The following MIB1 variants were observed in gnomAD, a reference collection of about 807,000 sequenced individuals.
MIB1 encodes E3 ubiquitin-protein ligase MIB1.
MIB1 carries 278 observed loss-of-function variants against 124.5 expected under a neutral mutation model. The observed-to-expected ratio is 2.23, with a 90% CI of 2.02 to 2.47. The LOEUF is 2.47. Ranked by LOEUF, MIB1 falls within the 30% of genes most tolerant of loss-of-function variation. MIB1 has a pLI of 0.00. For missense variants in MIB1, 957 were observed against 1,254.4 expected (o/e 0.76, Z 3.58); for synonymous variants, 446 against 429.4 (o/e 1.04, Z -0.48).
intron 12 of MIB1, among the ~76,000 whole-genome samples, chr18:21,819,931 G>A (rs2041864244): frequency 6.6e-6 from 1 of 152,002 alleles, no homozygotes; most frequent in African/African-American, 2.4e-5. Flanking sequence ...TTTATTTTGA[G>A]ATTTATGTTT....
At position 21,865,474 on chromosome 18, in the gene MIB1, A is replaced by G. The variant is rs1257943756; in HGVS notation, c.*808A>G. 6.6e-6 allele frequency: 1 copy of G among 152,144 alleles called. No individual in the cohort carries two copies. Among genetic ancestry groups the G allele is most frequent in the East Asian group, 1.9e-4 (1 of 5,194 alleles). The allele number at this position is 152,144 out of a possible 1,614,324, so 9.4% of individuals were successfully genotyped here. A position where few individuals can be genotyped will look rare whatever the true frequency, so the allele number is the denominator to read the frequency against. Reference sequence around the variant, plus strand: ...AATTTATACACTATTTTGTTCAGCCAGTGTTTTTAAAAAAAATCTATGAAA... The same window carrying G: ...AATTTATACACTATTTTGTTCAGCCGGTGTTTTTAAAAAAAATCTATGAAA... On this transcript the variant is annotated 3_prime_UTR_variant, in exon 21 of 21. Transcript: ENST00000261537.
intron 1 of MIB1, among the ~76,000 whole-genome samples, chr18:21,748,636 G>T (rs1284565840): frequency 1.3e-5 from 2 of 150,972 alleles, no homozygotes; most frequent in South Asian, 2.1e-4. Flanking sequence ...CTGCCGTGTT[G>T]CCCAGGTTGG....
chr18:21,774,495 C>T (rs925892696), intron 4 of MIB1, among the ~76,000 whole-genome samples: 1 of 152,060 alleles, frequency 6.6e-6, no homozygotes, highest in Non-Finnish European at 1.5e-5. Flanking sequence ...GGCTGAGGCA[C>T]GAGAATCACC....
At chr18:21,791,814 C>T (rs573902065) in intron 7 of MIB1, among the ~76,000 whole-genome samples, 2 of 152,198 alleles carry the variant, frequency 1.3e-5, no homozygotes, top group South Asian at 4.1e-4. Context: ...TGGTGCAAGT[C>T]AGCAGTGGTT....
At chr18:21,760,310 A>C (rs1396243628) in intron 1 of MIB1, among the ~76,000 whole-genome samples, 2 of 152,178 alleles carry the variant, frequency 1.3e-5, no homozygotes, top group Non-Finnish European at 2.9e-5. Context: ...GATTAGTAAA[A>C]TGTTGGTCTT....
intron 6 of MIB1, among the ~76,000 whole-genome samples, chr18:21,790,552 A>G (rs577570794): frequency 1.5e-4 from 23 of 152,322 alleles, no homozygotes; most frequent in Middle Eastern, 3.4e-3. Flanking sequence ...AAATATATGT[A>G]TGTGTCCCTA....
In MIB1 at chr18:21,858,546, C is replaced by A; in HGVS notation, c.2780C>A (p.Ser927Ter). Reference sequence around the variant, plus strand: ...AAATCTTTTTAAATCTATATTATAGCAAGTGGGAATATTCCAGTATTACAA... The same window carrying A: ...AAATCTTTTTAAATCTATATTATAGAAAGTGGGAATATTCCAGTATTACAA... ...KSSEDATDDI[S>*]SGNIPVLQKD... Residue 927 changes from serine to a stop codon, truncating the protein, a stop_gained and splice_region_variant, in exon 20 of 21, where the codon TCA becomes TAA. Coordinates refer to ENST00000261537, the MANE Select transcript of MIB1 (RefSeq NM_020774.4). LOFTEE classifies it high-confidence loss of function. 3 of 1,416,494 alleles carry A rather than the reference C, an allele frequency of 2.1e-6. No individual in the cohort carries two copies. Among genetic ancestry groups the A allele is most frequent in the Non-Finnish European group, 3.0e-6 (3 of 1,006,618 alleles). 87.7% of individuals were successfully genotyped at this position (1,416,494 alleles called of 1,614,324 possible).
chr18:21,762,125 T>C (rs2041105338), intron 1 of MIB1, among the ~76,000 whole-genome samples: 1 of 152,226 alleles, frequency 6.6e-6, no homozygotes, highest in Non-Finnish European at 1.5e-5. Context: ...TTAAAAATAC[T>C]ACTTCAGTGC....
chr18:21,856,193 G>A (rs1386974060), intron 18 of MIB1, among the ~76,000 whole-genome samples: 1 of 146,776 alleles, frequency 6.8e-6, no homozygotes, highest in Non-Finnish European at 1.5e-5. Context: ...TTGCGCCACT[G>A]CAGTCCGCAG....
chr18:21,841,980 C>A, intron 13 of MIB1, among the ~76,000 whole-genome samples: 1 of 148,620 alleles, frequency 6.7e-6, no homozygotes. Context: ...AAGAATTAAG[C>A]TGACACTCGG....
chr18:21,759,707 T>C (rs889431881), intron 1 of MIB1, among the ~76,000 whole-genome samples: 36 of 152,222 alleles, frequency 2.4e-4, no homozygotes, highest in African/African-American at 8.2e-4. Context: ...CTTTTGCTAT[T>C]ATACGAAGTG....
At chr18:21,740,141 T>A (rs2040828346), upstream of MIB1, among the ~76,000 whole-genome samples, 1 of 152,226 alleles carries the variant, frequency 6.6e-6, no homozygotes, top group Non-Finnish European at 1.5e-5. Flanking sequence ...ACACTGGTTT[T>A]AAACCCTATG....
intron 1 of MIB1, among the ~76,000 whole-genome samples, chr18:21,721,323 A>G (rs868513807): frequency 5.2e-4 from 78 of 150,940 alleles, no homozygotes; most frequent in African/African-American, 1.9e-3. Context: ...TGGGATTACA[A>G]GCATACACCG....
chr18:21,714,568 A>G (rs1435708219), intron 1 of MIB1, among the ~76,000 whole-genome samples: 3 of 152,222 alleles, frequency 2.0e-5, no homozygotes, highest in South Asian at 4.2e-4. Context: ...TCGGTGCACT[A>G]CAACTCTCTT....
chr18:21,807,019 A>AT (rs1489080595), intron 10 of MIB1, among the ~76,000 whole-genome samples: 2 of 152,160 alleles, frequency 1.3e-5, no homozygotes, highest in African/African-American at 2.4e-5. Context: ...CATTTTGTGC[A>AT]TTTTTTTATT....
At chr18:21,847,476 A>C (rs1008676164) in intron 16 of MIB1, among the ~76,000 whole-genome samples, 5 of 152,104 alleles carry the variant, frequency 3.3e-5, no homozygotes, top group Non-Finnish European at 5.9e-5. Flanking sequence ...ATGTATTTTA[A>C]ATTGTATTTA....
chr18:21,725,641 G>T (rs892530064), intron 1 of MIB1, among the ~76,000 whole-genome samples: 23 of 152,156 alleles, frequency 1.5e-4, no homozygotes, highest in African/African-American at 5.3e-4. Flanking sequence ...TTAATTTACA[G>T]ACTATAACCT....
At chr18:21,792,784 A>G (rs2041522455) in intron 7 of MIB1, among the ~76,000 whole-genome samples, 1 of 152,194 alleles carries the variant, frequency 6.6e-6, no homozygotes, top group South Asian at 2.1e-4. Flanking sequence ...TTGAACGCAG[A>G]CCTGTCTTAT....
chr18:21,844,023 A>T, intron 14 of MIB1, 69 bp from the exon 15 acceptor site: 1 of 1,474,614 alleles, frequency 6.8e-7, no homozygotes, highest in Non-Finnish European at 9.4e-7. Flanking sequence ...TCTCACCATT[A>T]CTTTAGATAT....
Sources: allele counts gnomAD v4.1 joint callset (sites outside exome capture counted in the v4.1 genomes callset), GRCh38; gene constraint gnomAD v4.1.1; transcripts MANE v1.5; gene names NCBI Gene and HGNC (gene_info 2026-07-23, HGNC 2026-07-21).